Variants in ERLN observed in about 807,000 individuals in gnomAD.
The protein encoded by ERLN is small integral membrane protein 6.
the ERLN span, chr17:75,647,594 C>T: frequency 3.2e-6 from 5 of 1,546,846 alleles, no homozygotes; most frequent in Non-Finnish European, 2.6e-6. Context: ...GAGATGGCAG[C>T]AGGGGAGGCG....
At chr17:75,646,475 G>A in the ERLN span, 1 of 152,430 alleles carries the variant, frequency 6.6e-6, no homozygotes, top group Admixed American at 6.5e-5. Context: ...CACGTGCCCT[G>A]AGCACCCCCA....
the ERLN span, chr17:75,647,549 C>G: frequency 1.3e-6 from 2 of 1,550,156 alleles, no homozygotes; most frequent in Non-Finnish European, 8.7e-7. Flanking sequence ...CAGTGTGAAG[C>G]GGGTGAAGAG....
chr17:75,646,552 G>A, the ERLN span: 1 of 152,392 alleles, frequency 6.6e-6, no homozygotes, highest in African/African-American at 2.4e-5. Flanking sequence ...GGGAGCCGTG[G>A]TTGCCAGGCA....
At chr17:75,647,308 TAGCACCTGGGAC>T in the ERLN span, 2 of 1,411,380 alleles carry the variant, frequency 1.4e-6, no homozygotes, top group Non-Finnish European at 1.9e-6. Context: ...GGGCAGAGCA[TAGCACCTGGGAC>T]AGGGCCTGGG....
chr17:75,647,910 A>C, the ERLN span: 2 of 229,630 alleles, frequency 8.7e-6, no homozygotes, highest in Non-Finnish European at 1.8e-5. Context: ...CCAGCCAGCA[A>C]TTTCACAAAT....
the ERLN span, chr17:75,647,424 G>C: frequency 1.9e-6 from 3 of 1,550,000 alleles, no homozygotes; most frequent in Non-Finnish European, 2.6e-6. Context: ...ATGCGTTCTG[G>C]CAGAACCCCT....
At chr17:75,647,496 A>C in the ERLN span, 1 of 1,550,192 alleles carries the variant, frequency 6.5e-7, no homozygotes. Context: ...TTCTCATCTT[A>C]TTTGCCATCG....
the ERLN span, chr17:75,646,323 C>T: frequency 6.6e-6 from 1 of 152,428 alleles, no homozygotes; most frequent in Admixed American, 6.5e-5. Context: ...CGGGGCAGGT[C>T]CGCAGTCCAC....
At chr17:75,647,612 C>T in the ERLN span, 1 of 1,533,148 alleles carries the variant, frequency 6.5e-7, no homozygotes, top group African/African-American at 1.4e-5. Context: ...GCGAGCTGAC[C>T]TGCCCCCATT....
At chr17:75,647,662 G>A in the ERLN span, 17 of 1,175,898 alleles carry the variant, frequency 1.4e-5, no homozygotes, top group Non-Finnish European at 2.1e-5. Flanking sequence ...TGGCTCAGGG[G>A]CCAAGCCCTG....
chr17:75,647,439 C>G, the ERLN span: 7 of 1,550,132 alleles, frequency 4.5e-6, no homozygotes, highest in Non-Finnish European at 6.1e-6. Flanking sequence ...ACCCCTGGGA[C>G]CAGGGGGGCC....
At chr17:75,647,856 G>A in the ERLN span, 4 of 327,116 alleles carry the variant, frequency 1.2e-5, no homozygotes, top group South Asian at 2.4e-4. Context: ...TGCCTCAGGT[G>A]GAAGGAGCTA....
the ERLN span, chr17:75,647,503 A>G: frequency 6.5e-7 from 1 of 1,550,372 alleles, no homozygotes; most frequent in Admixed American, 2.0e-5. Context: ...CTTATTTGCC[A>G]TCGTGTTTGG....
the ERLN span, chr17:75,647,595 A>T: frequency 1.1e-5 from 17 of 1,546,576 alleles, no homozygotes; most frequent in Non-Finnish European, 1.5e-5. Flanking sequence ...AGATGGCAGC[A>T]GGGGAGGCGA....
chr17:75,647,256 G>T, the ERLN span: 1 of 835,702 alleles, frequency 1.2e-6, no homozygotes, highest in African/African-American at 1.7e-5. Context: ...CTGCCAGGCG[G>T]GCCGGCTGCT....
the ERLN span, chr17:75,647,709 A>C: frequency 1.3e-6 from 1 of 771,702 alleles, no homozygotes; most frequent in Non-Finnish European, 2.1e-6. Flanking sequence ...GTCTAGTAAA[A>C]TACTGTATCT....
At chr17:75,646,933 C>A in the ERLN span, 1 of 155,770 alleles carries the variant, frequency 6.4e-6, no homozygotes, top group Non-Finnish European at 1.4e-5. Flanking sequence ...TGGAGTTGGC[C>A]CCTCCTCGGC....
the ERLN span, chr17:75,647,683 T>G: frequency 1.0e-6 from 1 of 972,108 alleles, no homozygotes; most frequent in Non-Finnish European, 1.5e-6. Flanking sequence ...GTGTCTTCCT[T>G]TCCCATCAGG....
At chr17:75,647,642 C>T in the ERLN span, 14 of 1,429,776 alleles carry the variant, frequency 9.8e-6, no homozygotes, top group East Asian at 2.5e-5. Context: ...GGCCCCTTCG[C>T]GGTTCCCTCT....
Sources: gnomAD v4.1 joint callset for allele counts on GRCh38, gnomAD v4.1.1 for gene constraint, MANE v1.5 for transcripts, NCBI Gene and HGNC (gene_info 2026-07-23, HGNC 2026-07-21) for gene names.